ST6GALNAC3: variants seen among roughly 807,000 people sequenced by gnomAD.
The protein encoded by ST6GALNAC3 is alpha-N-acetylgalactosaminide alpha-2,6-sialyltransferase 3.
A neutral mutation model predicts 32.7 loss-of-function variants in ST6GALNAC3; 25 were observed. The observed-to-expected ratio is 0.76, with a 90% confidence interval of 0.56 to 1.07. The LOEUF (loss-of-function observed/expected upper bound fraction) is 1.07, where lower values mean the gene tolerates loss of function less well. Among genes scored for constraint, ST6GALNAC3 ranks in the 50% least tolerant of loss-of-function variants. The pLI, the probability that ST6GALNAC3 is intolerant of heterozygous loss-of-function variation, is 0.00. For missense variants in ST6GALNAC3, 355 were observed against 382.4 expected (o/e 0.93, Z 0.60); for synonymous variants, 129 against 133.1 (o/e 0.97, Z 0.21).
intron 2 of ST6GALNAC3, among the ~76,000 whole-genome samples, chr1:76,338,157 G>A (rs899947374): frequency 6.6e-6 from 1 of 152,240 alleles, no homozygotes; most frequent in East Asian, 1.9e-4. Flanking sequence ...CAAAGCATAG[G>A]GAAAGTATTA....
At chr1:76,560,396 A>G (rs1174577150) in intron 3 of ST6GALNAC3, among the ~76,000 whole-genome samples, 2 of 152,160 alleles carry the variant, frequency 1.3e-5, no homozygotes, top group East Asian at 3.9e-4. Flanking sequence ...TGAAGCGACA[A>G]CCCACAGAAT....
At chr1:76,526,049 C>T (rs1374463319) in intron 3 of ST6GALNAC3, among the ~76,000 whole-genome samples, 1 of 151,614 alleles carries the variant, frequency 6.6e-6, no homozygotes, top group African/African-American at 2.4e-5. Flanking sequence ...CTTGATCTTT[C>T]TTCATCTTAC....
Position 76,394,906 on chromosome 1 carries a change from T to G in ST6GALNAC3, c.214-17102T>G, listed in dbSNP as rs187205158. On this transcript the variant is annotated intron_variant, in intron 2 of 4. Transcript: ENST00000328299. ...CCAAGGCTCAGAATTTTGCTTTTAT[T>G]TTCTCTGTATGAGTGTTTTTGTCTG... 3.2e-4 allele frequency among the ~76,000 whole-genome samples: 48 copies of G among 152,298 alleles called. No individual in the cohort carries two copies. In the East Asian group the frequency reaches 3.9e-3, roughly 12 times the overall value.
chr1:76,359,518 G>T (rs1454434175), intron 2 of ST6GALNAC3, among the ~76,000 whole-genome samples: 1 of 152,164 alleles, frequency 6.6e-6, no homozygotes, highest in Non-Finnish European at 1.5e-5. Flanking sequence ...TAGCAGAGAG[G>T]CCTGGAATAG....
intron 1 of ST6GALNAC3, among the ~76,000 whole-genome samples, chr1:76,274,047 G>A (rs1265726186): frequency 1.3e-5 from 2 of 152,062 alleles, no homozygotes; most frequent in African/African-American, 4.8e-5. Context: ...CACAACATTC[G>A]AAGTCAGCAT....
intron 3 of ST6GALNAC3, among the ~76,000 whole-genome samples, chr1:76,479,467 T>C (rs935311089): frequency 1.3e-5 from 2 of 152,206 alleles, no homozygotes; most frequent in African/African-American, 4.8e-5. Flanking sequence ...ATTTGGGTTA[T>C]GGTTCTGGAG....
intron 1 of ST6GALNAC3, among the ~76,000 whole-genome samples, chr1:76,286,793 G>C (rs1409505015): frequency 1.3e-5 from 2 of 152,250 alleles, no homozygotes; most frequent in Non-Finnish European, 2.9e-5. Flanking sequence ...TTGATTGTGA[G>C]TGCACCAGGA....
chr1:76,202,267 C>CAT (rs1553164831), intron 1 of ST6GALNAC3, among the ~76,000 whole-genome samples: 1 of 96,798 alleles, frequency 1.0e-5, no homozygotes, highest in Non-Finnish European at 2.2e-5. Flanking sequence ...TGTGTGCATG[C>CAT]ATGTGTGTGT....
chr1:76,583,306 T>C (rs1299787399), intron 3 of ST6GALNAC3, among the ~76,000 whole-genome samples: 1 of 152,138 alleles, frequency 6.6e-6, no homozygotes, highest in Non-Finnish European at 1.5e-5. Flanking sequence ...GCCGACAAAA[T>C]GTATGCAAGT....
At chr1:76,607,970 A>G (rs573818342) in intron 3 of ST6GALNAC3, among the ~76,000 whole-genome samples, 1 of 152,318 alleles carries the variant, frequency 6.6e-6, no homozygotes, top group South Asian at 2.1e-4. Flanking sequence ...GCTAGGTGAC[A>G]GTTTCTTTTA....
chr1:76,393,433 T>G (rs1357652281), intron 2 of ST6GALNAC3, among the ~76,000 whole-genome samples: 1 of 152,212 alleles, frequency 6.6e-6, no homozygotes, highest in African/African-American at 2.4e-5. Flanking sequence ...CAATTCATAC[T>G]CTTCATTCAT....
intron 3 of ST6GALNAC3, among the ~76,000 whole-genome samples, chr1:76,501,693 C>CA (rs1661186894): frequency 1.3e-5 from 2 of 152,166 alleles, no homozygotes; most frequent in African/African-American, 2.4e-5. Flanking sequence ...GAACGAGGAA[C>CA]AAAGCTTCAG....
At chr1:76,368,186 G>T (rs530689311) in intron 2 of ST6GALNAC3, among the ~76,000 whole-genome samples, 1 of 152,034 alleles carries the variant, frequency 6.6e-6, no homozygotes, top group Non-Finnish European at 1.5e-5. Context: ...CAACTCTGCC[G>T]TCGTAGAGAA....
chr1:76,455,769 A>C (rs1657733021), intron 3 of ST6GALNAC3, among the ~76,000 whole-genome samples: 1 of 152,164 alleles, frequency 6.6e-6, no homozygotes, highest in African/African-American at 2.4e-5. Flanking sequence ...GTGCTTTTTA[A>C]GATATCCTGG....
chr1:76,194,632 G>T (rs1185882253), intron 1 of ST6GALNAC3, among the ~76,000 whole-genome samples: 1 of 152,060 alleles, frequency 6.6e-6, no homozygotes, highest in Non-Finnish European at 1.5e-5. Context: ...CATAGATATG[G>T]ATTCTCACAT....
chr1:76,383,581 A>G (rs1225971467), intron 2 of ST6GALNAC3, among the ~76,000 whole-genome samples: 2 of 151,978 alleles, frequency 1.3e-5, no homozygotes, highest in Non-Finnish European at 2.9e-5. Flanking sequence ...CCCCCACACT[A>G]AAATATTGAA....
At chr1:76,487,767 C>T (rs1310550818) in intron 3 of ST6GALNAC3, among the ~76,000 whole-genome samples, 3 of 152,112 alleles carry the variant, frequency 2.0e-5, no homozygotes, top group South Asian at 4.1e-4. Context: ...CGTTGGCTGG[C>T]GAGGAGCTGT....
At chr1:76,282,347 A>G (rs1269538987) in intron 1 of ST6GALNAC3, among the ~76,000 whole-genome samples, 4 of 152,184 alleles carry the variant, frequency 2.6e-5, no homozygotes, top group Non-Finnish European at 4.4e-5. Flanking sequence ...TGATAAATAC[A>G]TACACATTAC....
chr1:76,360,780 T>G (rs956820233), intron 2 of ST6GALNAC3, among the ~76,000 whole-genome samples: 5 of 152,202 alleles, frequency 3.3e-5, no homozygotes, highest in Non-Finnish European at 7.4e-5. Context: ...TGGAGGTATA[T>G]CTTAGTTATT....
Sources: gnomAD v4.1 joint callset for allele counts (sites outside exome capture counted in the v4.1 genomes callset) on GRCh38, gnomAD v4.1.1 for gene constraint, MANE v1.5 for transcripts, NCBI Gene and HGNC (gene_info 2026-07-23, HGNC 2026-07-21) for gene names.